The following NOP53 variants were observed in gnomAD, a reference collection of about 807,000 sequenced individuals.
NOP53 encodes the protein ribosome biogenesis protein NOP53.
Under a neutral mutation model 61.0 loss-of-function variants are expected in NOP53, and 40 were observed. That is an observed-to-expected ratio of 0.66 (90% CI 0.51 to 0.85). The LOEUF (loss-of-function observed/expected upper bound fraction) is 0.85. Ranked by LOEUF, NOP53 falls within the 40% of genes least tolerant of loss-of-function variation. NOP53 has a pLI of 0.00. For missense variants in NOP53, 689 were observed against 652.9 expected (o/e 1.06, Z -0.60); for synonymous variants, 308 against 289.5 (o/e 1.06, Z -0.65).
chr19:47,754,578 G>A lies in NOP53; in HGVS notation c.817G>A (p.Glu273Lys). 2 of 1,553,090 alleles carry A rather than the reference G, an allele frequency of 1.3e-6. No homozygotes were observed. Among genetic ancestry groups the A allele is most frequent in the East Asian group, 2.4e-5 (1 of 41,358 alleles). ...EVELQRQKEA[E>K]KLERQLALPA... The stretch of plus-strand genomic sequence containing the variant: ...GGAGTTGCAGCGGCAGAAGGAGGCG[G>A]AGAAGCTGGAGCGGCAGCTGGCCCT... Residue 273 changes from glutamate to lysine, a missense_variant, in exon 7 of 13, where the codon GAG becomes AAG. Coordinates refer to ENST00000246802, the MANE Select transcript of NOP53 (RefSeq NM_015710.5). The surrounding 1 kb of genome is among the most constrained non-coding windows in gnomAD (Gnocchi z 4.2).
chr19:47,750,112 T>C lies in NOP53; in HGVS notation c.290-66T>C, dbSNP rs531908604. On this transcript the variant is annotated intron_variant, in intron 2 of 12. Transcript: ENST00000246802. Reference sequence around the variant, plus strand: ...GTCTGATGGCTCCCATGGAGGTGAATAGGGTGGGTGGTCTTTGGCAGTGGG... The same window carrying C: ...GTCTGATGGCTCCCATGGAGGTGAACAGGGTGGGTGGTCTTTGGCAGTGGG... 1.4e-4 allele frequency: 140 copies of C among 983,238 alleles called. No homozygotes were observed. The African/African-American group carries it at 1.5e-3, about 10-fold the overall frequency. The allele number at this position is 983,238 out of a possible 1,614,324, so 60.9% of individuals were successfully genotyped here.
intron 2 of NOP53, among the ~76,000 whole-genome samples, chr19:47,747,942 G>A (rs550419401): frequency 4.0e-4 from 60 of 151,888 alleles, no homozygotes; most frequent in Middle Eastern, 3.4e-3. Flanking sequence ...CACCATGCCC[G>A]GCTAATTTTG....
chr19:47,755,125 G>C (rs909912981), intron 8 of NOP53, among the ~76,000 whole-genome samples: 4 of 152,128 alleles, frequency 2.6e-5, no homozygotes, highest in Non-Finnish European at 5.9e-5. Context: ...TGAGGGGCGG[G>C]GTGGGGGGAG....
rs749256313 is a variant in NOP53, at chr19:47,745,748, C to T, written c.189C>T (p.Phe63=). 771 of 1,594,480 alleles carry T rather than the reference C, an allele frequency of 4.8e-4. 2 individuals are homozygous for T. The highest frequency in any genetic ancestry group is 2.1e-3 in the Middle Eastern group (11 of 5,148). The part of the protein sequence containing the change: ...QEPLGLEVDQ[F]LEDVRLQERT... ...CGCTGGGGCTGGAGGTTGACCAGTT[C>T]CTGGAAGACGTGCGGCTACAGGAGC... is the stretch of plus-strand genomic sequence containing the variant. Residue 63 remains phenylalanine, a synonymous_variant, in exon 1 of 13, where the codon TTC becomes TTT. Transcript: ENST00000246802.
rs755952857 is a variant in NOP53 at position 47,754,737 on chromosome 19, G to A, written c.899G>A (p.Gly300Glu). Residue 300 changes from glycine to glutamate, a missense_variant, in exon 8 of 13, where the codon GGG becomes GAG. Transcript: ENST00000246802. This position sits in a 1 kb window ranked among gnomAD's most constrained non-coding sequence, Gnocchi z 4.2. Reference protein sequence around the residue: ...QESTFQELCEGLLEESDGEGE... With the variant: ...QESTFQELCEELLEESDGEGE... ...TCCACATTCCAGGAGCTGTGCGAGG[G>A]GCTGCTGGAGGAGTCGGATGGTGAG... The A allele has an allele frequency of 1.2e-5, 18 of 1,528,306 alleles. No individual in the cohort carries two copies. Among genetic ancestry groups the A allele is most frequent in the Non-Finnish European group, 1.3e-5 (15 of 1,133,318 alleles). 94.7% of individuals were successfully genotyped at this position (1,528,306 alleles called of 1,614,324 possible).
chr19:47,746,339 C>A (rs944924234), intron 1 of NOP53: 1 of 152,218 alleles, frequency 6.6e-6, no homozygotes, highest in African/African-American at 2.4e-5. Flanking sequence ...GGCGCCACCA[C>A]GCTCGGCTAT....
chr19:47,752,307 C>T (rs964617803), intron 5 of NOP53, among the ~76,000 whole-genome samples: 3 of 152,074 alleles, frequency 2.0e-5, no homozygotes, highest in Non-Finnish European at 4.4e-5. Context: ...TTACAATCTC[C>T]GGGGCTCAGC....
At chr19:47,750,875 C>A in intron 3 of NOP53, 33 bp from the exon 4 acceptor site, 1 of 1,546,694 alleles carries the variant, frequency 6.5e-7, no homozygotes, top group Non-Finnish European at 8.8e-7. Flanking sequence ...TGCCACCTCA[C>A]CTGCTGCACT....
At chr19:47,745,973 G>T in intron 1 of NOP53, 190 bp downstream of exon 1, 1 of 533,406 alleles carries the variant, frequency 1.9e-6, no homozygotes, top group Non-Finnish European at 3.3e-6. Context: ...GAGCTTGATA[G>T]AGTTACCAGA....
chr19:47,755,389 C>T lies in NOP53; in HGVS notation c.1095C>T (p.His365=). ...CGTTGCGGGCCGCCCGGCTCCGGCACCAGGAGCTGTTCCGGCTGCGCGGGA... is the reference window on the plus strand; with the variant it reads ...CGTTGCGGGCCGCCCGGCTCCGGCATCAGGAGCTGTTCCGGCTGCGCGGGA... ...QAALRAARLR[H]QELFRLRGIK... Residue 365 remains histidine (H), a synonymous_variant, in exon 9 of 13, where the codon CAC becomes CAT. Coordinates refer to ENST00000246802, the MANE Select transcript of NOP53 (RefSeq NM_015710.5). 1 of 1,528,866 alleles carries T rather than the reference C, an allele frequency of 6.5e-7. No individual in the cohort carries two copies. Among genetic ancestry groups the T allele is most frequent in the Non-Finnish European group, 8.7e-7 (1 of 1,143,232 alleles). The allele number at this position is 1,528,866 out of a possible 1,614,324, so 94.7% of individuals were successfully genotyped here.
chr19:47,754,393 C>T lies in NOP53; in HGVS notation c.766-134C>T, dbSNP rs1045463298. ...TGTGCAGGGTGGGTGTGCTGGTAGA[C>T]GGGGTGTGGGGAGGAAAGCCTGGGC... On this transcript the variant is annotated intron_variant, in intron 6 of 12. Coordinates refer to ENST00000246802, the MANE Select transcript of NOP53 (RefSeq NM_015710.5). This position sits in a 1 kb window ranked among gnomAD's most constrained non-coding sequence, Gnocchi z 4.2. 32 of 696,512 alleles carry T rather than the reference C, an allele frequency of 4.6e-5. No individual in the cohort carries two copies. The highest frequency in any genetic ancestry group is 2.2e-4 in the East Asian group (8 of 36,594). The allele number at this position is 696,512 out of a possible 1,614,324, so 43.1% of individuals were successfully genotyped here.
chr19:47,757,006 C>T lies in NOP53; in HGVS notation c.*1C>T. On this transcript the variant is annotated 3_prime_UTR_variant, in exon 13 of 13. Transcript: ENST00000246802. ...CCTTTCCTCTGTCCCCAGGTTGTAG[C>T]TGCCATCAGATGCCGGAGACTCGCC... 1 of 1,614,124 alleles carries T rather than the reference C, an allele frequency of 6.2e-7. No individual in the cohort carries two copies. Among genetic ancestry groups the T allele is most frequent in the Non-Finnish European group, 8.5e-7 (1 of 1,179,958 alleles).
At position 47,756,941 on chromosome 19, in the gene NOP53, C is replaced by G. The variant is rs1367186318; in HGVS notation, c.1431-58C>G. The G allele has an allele frequency of 1.9e-6, 3 of 1,608,040 alleles. No individual in the cohort carries two copies. The African/African-American group carries it at 4.0e-5, about 22-fold the overall frequency. ...AACTGAAAGGCAGGGGGTGTCAGGT[C>G]GGCAGGGGGTATGGGGCACCCTCTC... On this transcript the variant is annotated intron_variant, in intron 12 of 12. Transcript: ENST00000246802.
rs754805111 is a variant in NOP53, at chr19:47,745,802, C to G, written c.224+19C>G. 1.4e-6 allele frequency: 2 copies of G among 1,455,956 alleles called. No individual in the cohort carries two copies. The highest frequency in any genetic ancestry group is 1.3e-5 in the South Asian group (1 of 74,946). The allele number at this position is 1,455,956 out of a possible 1,614,324, so 90.2% of individuals were successfully genotyped here. On this transcript the variant is annotated intron_variant, in intron 1 of 12. Coordinates refer to ENST00000246802, the MANE Select transcript of NOP53 (RefSeq NM_015710.5). The stretch of plus-strand genomic sequence containing the variant: ...CGAGCGGGTACGTTGGGCGGGACTT[C>G]CGGGAGGTGGGACGGTTCCTGCGCC...
chr19:47,745,774 G>C lies in NOP53; in HGVS notation c.215G>C (p.Arg72Pro), dbSNP rs775777313. ...QFLEDVRLQE[R>P]TSGGLLSEAP... ...CTGGAAGACGTGCGGCTACAGGAGC[G>C]CACGAGCGGGTACGTTGGGCGGGAC... The change falls in exon 1 of 13, where the codon CGC becomes CCC. Residue 72 changes from arginine to proline, a missense_variant. Arg to Pro is a moderately radical substitution (Grantham distance 103). Coordinates refer to ENST00000246802, the MANE Select transcript of NOP53 (RefSeq NM_015710.5). 1 of 1,556,496 alleles carries C rather than the reference G, an allele frequency of 6.4e-7. No homozygotes were observed.
chr19:47,756,946 G>C, intron 12 of NOP53, 53 bp from the exon 13 acceptor site: 1 of 1,611,944 alleles, frequency 6.2e-7, no homozygotes, highest in Non-Finnish European at 8.5e-7. Context: ...CAGGTCGGCA[G>C]GGGGTATGGG....
At chr19:47,756,658 G>T in intron 11 of NOP53, 30 bp from the exon 12 acceptor site, 1 of 1,613,658 alleles carries the variant, frequency 6.2e-7, no homozygotes. Context: ...TTGGCCCCGG[G>T]CACTGATTGC....
chr19:47,756,171 CCT>C (rs1599921938), intron 10 of NOP53: 1 of 509,770 alleles, frequency 2.0e-6, no homozygotes, highest in Admixed American at 3.3e-5. Context: ...AAGCCCAGCT[CCT>C]CTGTCAGCCA....
At chr19:47,755,580 C>A in intron 9 of NOP53, 57 bp downstream of exon 9, 1 of 1,440,712 alleles carries the variant, frequency 6.9e-7, no homozygotes, top group Non-Finnish European at 9.2e-7. Context: ...GGTCCCAGGT[C>A]CTGACACCTT....
Sources: allele counts gnomAD v4.1 joint callset (sites outside exome capture counted in the v4.1 genomes callset), GRCh38; gene constraint gnomAD v4.1.1; non-coding constraint Gnocchi (gnomAD v3.1); transcripts MANE v1.5; gene names NCBI Gene and HGNC (gene_info 2026-07-23, HGNC 2026-07-21).